The following SEMA6D variants were observed in gnomAD, a reference collection of about 807,000 sequenced individuals.
The protein encoded by SEMA6D is semaphorin-6D.
A neutral mutation model predicts 106.6 loss-of-function variants in SEMA6D; 35 were observed. The observed-to-expected ratio is 0.33, with a 90% CI of 0.25 to 0.44. The LOEUF is 0.44. Among genes scored for constraint, SEMA6D ranks in the 20% least tolerant of loss-of-function variants. The pLI, the probability that SEMA6D is intolerant of heterozygous loss-of-function variation, is 1.00. For synonymous variants in SEMA6D, 499 were observed against 487.7 expected (o/e 1.02, Z -0.31); for missense variants, 1,185 against 1,345.9 (o/e 0.88, Z 1.87).
intron 4 of SEMA6D, among the ~76,000 whole-genome samples, chr15:47,703,020 A>G (rs2078844685): frequency 1.3e-5 from 2 of 152,226 alleles, no homozygotes; most frequent in Admixed American, 1.3e-4. Context: ...GTAGGTGTTT[A>G]TACAAAAAAA....
At chr15:47,427,871 A>T (rs116136667) in intron 2 of SEMA6D, among the ~76,000 whole-genome samples, 200 of 152,224 alleles carry the variant, frequency 1.3e-3, no homozygotes, top group Middle Eastern at 3.4e-3. Flanking sequence ...TTGATTTCCT[A>T]AACTCCCTTA....
At chr15:47,501,649 G>A (rs1026345499) in intron 3 of SEMA6D, among the ~76,000 whole-genome samples, 1 of 152,140 alleles carries the variant, frequency 6.6e-6, no homozygotes, top group African/African-American at 2.4e-5. Context: ...GAGGGTTTCT[G>A]GAAACTGTTA....
At chr15:47,187,607 G>A (rs1893667147) in intron 1 of SEMA6D, among the ~76,000 whole-genome samples, 1 of 152,076 alleles carries the variant, frequency 6.6e-6, no homozygotes, top group Non-Finnish European at 1.5e-5. Flanking sequence ...CCCAAATAGA[G>A]ATTTATTTGT....
intron 3 of SEMA6D, among the ~76,000 whole-genome samples, chr15:47,475,260 G>A (rs2042970775): frequency 6.6e-6 from 1 of 152,148 alleles, no homozygotes; most frequent in Non-Finnish European, 1.5e-5. Flanking sequence ...GCCAGGCATT[G>A]TGCTAAGTCA....
intron 1 of SEMA6D, among the ~76,000 whole-genome samples, chr15:47,733,926 A>T (rs1200961484): frequency 1.3e-5 from 2 of 152,224 alleles, no homozygotes; most frequent in Admixed American, 6.5e-5. Context: ...TTCTAAAAGC[A>T]TAAAGAGACA....
At chr15:47,288,767 G>A (rs970502854) in intron 1 of SEMA6D, among the ~76,000 whole-genome samples, 1 of 152,284 alleles carries the variant, frequency 6.6e-6, no homozygotes, top group Admixed American at 6.5e-5. Flanking sequence ...CACCACTGCT[G>A]TGAATATTCC....
intron 11 of SEMA6D, 49 bp from the exon 12 acceptor site, chr15:47,764,589 G>A: frequency 1.2e-6 from 2 of 1,605,188 alleles, no homozygotes; most frequent in South Asian, 2.2e-5. Context: ...ACAGTACATG[G>A]TGTGGCAGGG....
At chr15:47,531,669 C>T (rs921120128) in intron 3 of SEMA6D, among the ~76,000 whole-genome samples, 1 of 152,136 alleles carries the variant, frequency 6.6e-6, no homozygotes, top group African/African-American at 2.4e-5. Flanking sequence ...TACCAGTCTC[C>T]CCCCAGACTC....
rs569885334 is a variant in SEMA6D at position 47,591,205 on chromosome 15, C to A, written c.-86-9660C>A. On this transcript the variant is annotated intron_variant, in intron 3 of 19. Transcript: ENST00000558014. ...AAGGGCAAAAGCAACTAACAGACTC[C>A]CTCTTGTTCTTTTATTATATCAGGG... 2.4e-4 allele frequency among the ~76,000 whole-genome samples: 36 copies of A among 152,194 alleles called. 1 individual carries two copies. In the South Asian group the frequency reaches 7.3e-3, roughly 31 times the overall value.
chr15:47,294,684 C>T (rs1656632338), intron 1 of SEMA6D, among the ~76,000 whole-genome samples: 1 of 152,148 alleles, frequency 6.6e-6, no homozygotes, highest in South Asian at 2.1e-4. Flanking sequence ...CATTCCAGTG[C>T]ACTCTTGATA....
intron 2 of SEMA6D, among the ~76,000 whole-genome samples, chr15:47,420,905 A>T (rs281221): frequency 0.63 from 95,513 of 151,898 alleles, 30,433 homozygotes; most frequent in Middle Eastern, 0.7. Context: ...GAAGTAGATA[A>T]GAATAGAATT....
intron 3 of SEMA6D, chr15:47,581,369 T>A (rs1354806997): frequency 2.0e-6 from 1 of 493,980 alleles, no homozygotes; most frequent in South Asian, 1.5e-5. Flanking sequence ...ACAAGCAAAC[T>A]GCCAAATAAA....
rs776205875 is a variant in SEMA6D at position 47,766,669 on chromosome 15, A to T, written c.1700A>T (p.Asp567Val). 1.2e-6 allele frequency: 2 copies of T among 1,606,866 alleles called. No individual in the cohort carries two copies. Among genetic ancestry groups the T allele is most frequent in the East Asian group, 2.2e-5 (1 of 44,742 alleles). ...TEFGNTAHLG[D>V]CHEILPTSTT... ...TTCGGCAACACAGCTCATCTAGGGGACTGCCATGGTAAGACAGAATCTTCC... is the reference window on the plus strand; with the variant it reads ...TTCGGCAACACAGCTCATCTAGGGGTCTGCCATGGTAAGACAGAATCTTCC... Residue 567 changes from aspartate to valine, a missense_variant, in exon 16 of 19, where the codon GAC becomes GTC. Physicochemically the swap from Asp to Val is radical, Grantham distance 152 (BLOSUM62 -3). Transcript: ENST00000536845.
At chr15:47,205,394 A>C (rs546982874) in intron 1 of SEMA6D, among the ~76,000 whole-genome samples, 1 of 152,248 alleles carries the variant, frequency 6.6e-6, no homozygotes, top group East Asian at 1.9e-4. Flanking sequence ...TTGTCATTAC[A>C]TAGTTGTGCA....
At chr15:47,482,422 G>T (rs994676557) in intron 3 of SEMA6D, among the ~76,000 whole-genome samples, 1 of 152,100 alleles carries the variant, frequency 6.6e-6, no homozygotes, top group South Asian at 2.1e-4. Flanking sequence ...TTTTGGAGTG[G>T]CACCGGAATC....
chr15:47,326,811 C>T (rs1278766052), intron 1 of SEMA6D, among the ~76,000 whole-genome samples: 5 of 152,174 alleles, frequency 3.3e-5, no homozygotes, highest in Admixed American at 2.6e-4. Context: ...ATTCTGTTTG[C>T]TCCCCTCCCC....
intron 1 of SEMA6D, among the ~76,000 whole-genome samples, chr15:47,411,144 G>GA (rs2040782010): frequency 1.3e-5 from 2 of 150,966 alleles, no homozygotes; most frequent in Non-Finnish European, 3.0e-5. Flanking sequence ...TGCCCAGGCT[G>GA]GAGTGCAGTG....
chr15:47,474,715 A>C (rs2042954663), intron 3 of SEMA6D, among the ~76,000 whole-genome samples: 1 of 152,160 alleles, frequency 6.6e-6, no homozygotes, highest in Admixed American at 6.5e-5. Flanking sequence ...TTGAGGCAAA[A>C]ACAGTGATGC....
chr15:47,319,766 G>C (rs1038246429), intron 1 of SEMA6D, among the ~76,000 whole-genome samples: 2 of 151,926 alleles, frequency 1.3e-5, no homozygotes, highest in East Asian at 3.9e-4. Context: ...AGCATGAGGG[G>C]ATTATTTTTT....
Sources: allele counts gnomAD v4.1 joint callset (sites outside exome capture counted in the v4.1 genomes callset), GRCh38; gene constraint gnomAD v4.1.1; transcripts MANE v1.5; gene names NCBI Gene and HGNC (gene_info 2026-07-23, HGNC 2026-07-21).